Variants in GNAQ observed in about 807,000 individuals in gnomAD.
The protein encoded by GNAQ is guanine nucleotide-binding protein G(q) subunit alpha.
Under a neutral mutation model 43.9 loss-of-function variants are expected in GNAQ, and 8 were observed. The ratio of observed to expected loss-of-function variants is 0.18; its 90% CI spans 0.11 to 0.33. The LOEUF (loss-of-function observed/expected upper bound fraction) is 0.33, where lower values mean the gene tolerates loss of function less well. Ranked by LOEUF, GNAQ falls within the 10% of genes least tolerant of loss-of-function variation. GNAQ has a pLI of 1.00. For missense variants in GNAQ, 158 were observed against 450.8 expected, an observed-to-expected ratio of 0.35 and a Z score of 5.88; for synonymous variants, 155 against 170.7, an observed-to-expected ratio of 0.91 and a Z score of 0.71.
chr9:77,847,348 G>A (rs1176106553), intron 2 of GNAQ, among the ~76,000 whole-genome samples: 1 of 152,224 alleles, frequency 6.6e-6, no homozygotes, highest in Non-Finnish European at 1.5e-5. Context: ...ACAACAAAGT[G>A]CCTTTTCAGC....
intron 1 of GNAQ, among the ~76,000 whole-genome samples, chr9:77,971,963 T>C (rs940702785): frequency 1.3e-5 from 2 of 152,180 alleles, no homozygotes; most frequent in African/African-American, 2.4e-5. Flanking sequence ...TTGTGTGTTA[T>C]TGGTGTATAG....
chr9:77,745,640 CAAAG>C (rs1587894897), intron 5 of GNAQ, among the ~76,000 whole-genome samples: 2 of 148,856 alleles, frequency 1.3e-5, no homozygotes, highest in Non-Finnish European at 3.0e-5. Context: ...AGCCAAAAAA[CAAAG>C]AAAGATAATT....
chr9:77,813,173 C>T (rs1443395282), intron 3 of GNAQ, among the ~76,000 whole-genome samples: 1 of 152,188 alleles, frequency 6.6e-6, no homozygotes, highest in East Asian at 1.9e-4. Context: ...CCACCTCAGC[C>T]TCCCAAAGTG....
intron 2 of GNAQ, among the ~76,000 whole-genome samples, chr9:77,870,477 C>T (rs1411772533): frequency 1.3e-5 from 2 of 151,890 alleles, no homozygotes; most frequent in Admixed American, 6.6e-5. Context: ...AGGCGCCTGC[C>T]AAGGCGCCCT....
At chr9:77,733,101 C>T (rs866055409) in intron 5 of GNAQ, among the ~76,000 whole-genome samples, 6 of 152,136 alleles carry the variant, frequency 3.9e-5, no homozygotes, top group Non-Finnish European at 5.9e-5. Flanking sequence ...GAACACTAAA[C>T]TGGGAAACAT....
intron 6 of GNAQ, among the ~76,000 whole-genome samples, chr9:77,723,093 G>T (rs970471772): frequency 1.3e-5 from 2 of 152,148 alleles, no homozygotes; most frequent in South Asian, 2.1e-4. Flanking sequence ...ATAGGCAAAA[G>T]ACTTGAACAG....
intron 1 of GNAQ, among the ~76,000 whole-genome samples, chr9:78,029,143 A>C (rs1372708771): frequency 2.6e-5 from 4 of 152,234 alleles, no homozygotes; most frequent in Middle Eastern, 3.4e-3. Context: ...ATTCAAACCT[A>C]GGCCCACTGA....
chr9:77,745,399 T>C (rs1338027514), intron 5 of GNAQ, among the ~76,000 whole-genome samples: 1 of 151,118 alleles, frequency 6.6e-6, no homozygotes, highest in South Asian at 2.1e-4. Context: ...CCGCAGTGAG[T>C]AGGGAAGGGG....
rs548886415 is a variant in GNAQ at position 77,910,479 on chromosome 9, G to A, written c.321+11682C>T. Among the ~76,000 whole-genome samples the A allele has an allele frequency of 1.7e-4, 26 of 152,284 alleles. 1 individual carries two copies. In the South Asian group the frequency reaches 4.6e-3, roughly 27 times the overall value. On this transcript the variant is annotated intron_variant, in intron 2 of 6. Transcript: ENST00000286548. Reference sequence around the variant, plus strand: ...GCTTCACAACTTCCTACTAAAATGCGTTAAACTATGCCACATGTGTTTTAT... The same window carrying A: ...GCTTCACAACTTCCTACTAAAATGCATTAAACTATGCCACATGTGTTTTAT...
At chr9:77,881,962 A>G (rs1039801505) in intron 2 of GNAQ, among the ~76,000 whole-genome samples, 2 of 151,998 alleles carry the variant, frequency 1.3e-5, no homozygotes, top group African/African-American at 4.8e-5. Flanking sequence ...ACATAGTGAA[A>G]CCCCATCTCT....
intron 5 of GNAQ, among the ~76,000 whole-genome samples, chr9:77,790,230 CTTATAAATGTTCT>C (rs1430687892): frequency 6.6e-6 from 1 of 152,106 alleles, no homozygotes; most frequent in African/African-American, 2.4e-5. Context: ...CTTTTAACTA[CTTATAAATGTTCT>C]TTAGGTCTTT....
At chr9:77,890,314 G>T (rs1181488880) in intron 2 of GNAQ, among the ~76,000 whole-genome samples, 1 of 152,110 alleles carries the variant, frequency 6.6e-6, no homozygotes, top group Non-Finnish European at 1.5e-5. Context: ...AAGCCATCTG[G>T]CATTACTTAA....
intron 5 of GNAQ, among the ~76,000 whole-genome samples, chr9:77,778,244 T>C (rs1328017207): frequency 6.7e-6 from 1 of 148,970 alleles, no homozygotes; most frequent in Non-Finnish European, 1.5e-5. Context: ...CACACACACG[T>C]ATTCCTCTAT....
Position 77,767,176 on chromosome 9 carries a change from G to A in GNAQ, c.735+27287C>T, listed in dbSNP as rs1011577366. Among the ~76,000 whole-genome samples, 6 of 152,178 alleles carry A rather than the reference G, an allele frequency of 3.9e-5. No individual in the cohort carries two copies. The South Asian group carries it at 1.0e-3, about 26-fold the overall frequency. On this transcript the variant is annotated intron_variant, in intron 5 of 6. Coordinates refer to ENST00000286548, the MANE Select transcript of GNAQ (RefSeq NM_002072.5). ...GGAAGGGTTGGGAGAAAGGTATGGC[G>A]GCCCTCTAGGTTCCCCCAAAGCAGG...
Position 78,031,326 on chromosome 9 carries a change from G to T in GNAQ, c.-91C>A, listed in dbSNP as rs1824056969. 4.7e-6 allele frequency: 5 copies of T among 1,072,040 alleles called. No homozygotes were observed. The highest frequency in any genetic ancestry group is 4.3e-5 in the South Asian group (1 of 23,026). The allele number at this position is 1,072,040 out of a possible 1,614,324, so 66.4% of individuals were successfully genotyped here. On this transcript the variant is annotated 5_prime_UTR_variant, in exon 1 of 7. Coordinates refer to ENST00000286548, the MANE Select transcript of GNAQ (RefSeq NM_002072.5). Reference sequence around the variant, plus strand: ...CCCGCCCTCGCTCCCCCGAGGCAGCGGTGGCCGCCGAGCCCCCGCCGCCCG... The same window carrying T: ...CCCGCCCTCGCTCCCCCGAGGCAGCTGTGGCCGCCGAGCCCCCGCCGCCCG...
At chr9:77,763,246 T>C (rs1260319177) in intron 5 of GNAQ, among the ~76,000 whole-genome samples, 3 of 151,716 alleles carry the variant, frequency 2.0e-5, no homozygotes, top group Non-Finnish European at 4.4e-5. Context: ...TTGCAATGTG[T>C]GTAGTATTAA....
intron 2 of GNAQ, among the ~76,000 whole-genome samples, chr9:77,892,649 T>C (rs1311644852): frequency 6.6e-6 from 1 of 152,192 alleles, no homozygotes; most frequent in Admixed American, 6.5e-5. Flanking sequence ...AAGAGCATTA[T>C]TGAATATTAA....
intron 2 of GNAQ, among the ~76,000 whole-genome samples, chr9:77,896,695 G>C (rs1828508948): frequency 6.6e-6 from 1 of 152,094 alleles, no homozygotes; most frequent in Non-Finnish European, 1.5e-5. Flanking sequence ...ACAACATTTT[G>C]TCTCTTCTAG....
intron 2 of GNAQ, among the ~76,000 whole-genome samples, chr9:77,834,485 C>G (rs1012219005): frequency 7.0e-6 from 1 of 143,098 alleles, no homozygotes; most frequent in African/African-American, 2.5e-5. Context: ...GGGGACTGTT[C>G]TTTCAAATAC....
Sources: gnomAD v4.1 joint callset for allele counts (sites outside exome capture counted in the v4.1 genomes callset) on GRCh38, gnomAD v4.1.1 for gene constraint, MANE v1.5 for transcripts, NCBI Gene and HGNC (gene_info 2026-07-23, HGNC 2026-07-21) for gene names.